ADAM10: variants seen among roughly 807,000 people sequenced by gnomAD.
ADAM10 encodes the protein disintegrin and metalloproteinase domain-containing protein 10.
Under a neutral mutation model 90.1 loss-of-function variants are expected in ADAM10, and 17 were observed. That is an observed-to-expected ratio of 0.19 (90% CI 0.13 to 0.28). The LOEUF (loss-of-function observed/expected upper bound fraction) is 0.28, where lower values mean the gene tolerates loss of function less well. Among genes scored for constraint, ADAM10 ranks in the 10% least tolerant of loss-of-function variants. ADAM10 has a pLI of 1.00. For synonymous variants in ADAM10, 310 were observed against 298.6 expected (o/e 1.04, Z -0.40); for missense variants, 610 against 914.3 (o/e 0.67, Z 4.29).
chr15:58,599,990 A>G (rs557835074), intron 14 of ADAM10, among the ~76,000 whole-genome samples: 40 of 152,326 alleles, frequency 2.6e-4, no homozygotes, highest in Non-Finnish European at 2.2e-4. Flanking sequence ...GTCTCTTTAC[A>G]TATAACAACA....
At chr15:58,737,652 C>A (rs1211582133) in intron 1 of ADAM10, among the ~76,000 whole-genome samples, 1 of 152,146 alleles carries the variant, frequency 6.6e-6, no homozygotes, top group East Asian at 1.9e-4. Flanking sequence ...CAGTGCCTGG[C>A]ATTAAGTACC....
intron 2 of ADAM10, among the ~76,000 whole-genome samples, chr15:58,689,945 C>CAA (rs1555418402): frequency 2.4e-5 from 2 of 84,650 alleles, no homozygotes; most frequent in African/African-American, 1.6e-4. Context: ...CAAAGACAGA[C>CAA]CCCCCCCAAA....
chr15:58,742,414 C>T (rs1166562062), intron 1 of ADAM10, among the ~76,000 whole-genome samples: 1 of 152,182 alleles, frequency 6.6e-6, no homozygotes, highest in African/African-American at 2.4e-5. Flanking sequence ...AAAAATCATA[C>T]ACTGAACCAT....
chr15:58,665,749 C>A (rs1203654903), intron 4 of ADAM10, among the ~76,000 whole-genome samples: 2 of 152,076 alleles, frequency 1.3e-5, no homozygotes, highest in Non-Finnish European at 2.9e-5. Flanking sequence ...GACTGTATCA[C>A]TGACTACCCC....
chr15:58,734,700 A>C (rs1216461620), intron 1 of ADAM10, among the ~76,000 whole-genome samples: 3 of 151,700 alleles, frequency 2.0e-5, no homozygotes, highest in Non-Finnish European at 4.4e-5. Context: ...ACCCTGTCTC[A>C]AAATTAAAAA....
chr15:58,741,526 C>T (rs1843492474), intron 1 of ADAM10, among the ~76,000 whole-genome samples: 3 of 152,170 alleles, frequency 2.0e-5, no homozygotes, highest in Admixed American at 6.5e-5. Context: ...CCCATCCCAA[C>T]CTATAAGCTT....
intron 1 of ADAM10, among the ~76,000 whole-genome samples, chr15:58,744,778 G>A (rs1226440184): frequency 6.6e-6 from 1 of 152,186 alleles, no homozygotes; most frequent in Non-Finnish European, 1.5e-5. Flanking sequence ...GGGAGGCCAG[G>A]GTTGGAGAAT....
intron 4 of ADAM10, among the ~76,000 whole-genome samples, chr15:58,669,271 A>G (rs1897143364): frequency 6.6e-6 from 1 of 152,138 alleles, no homozygotes; most frequent in Non-Finnish European, 1.5e-5. Context: ...CAGTTTATTA[A>G]ACACTGGTTG....
intron 2 of ADAM10, among the ~76,000 whole-genome samples, chr15:58,696,046 G>C (rs1005455968): frequency 1.3e-5 from 2 of 152,146 alleles, no homozygotes; most frequent in African/African-American, 2.4e-5. Context: ...AACCCAGGAG[G>C]CAGAGGTTAA....
chr15:58,601,235 G>C (rs1895099337), intron 14 of ADAM10, among the ~76,000 whole-genome samples: 2 of 152,142 alleles, frequency 1.3e-5, no homozygotes, highest in African/African-American at 2.4e-5. Context: ...GCCGGGGCGG[G>C]TGGATCACCT....
intron 4 of ADAM10, among the ~76,000 whole-genome samples, chr15:58,670,268 GTATTATTAAGTCAA>G (rs1897164498): frequency 6.6e-6 from 1 of 151,624 alleles, no homozygotes. Context: ...ATACATGAAG[GTATTATTAAGTCAA>G]TATTTAATTT....
intron 4 of ADAM10, among the ~76,000 whole-genome samples, chr15:58,674,106 T>C (rs1311193675): frequency 6.6e-6 from 1 of 152,176 alleles, no homozygotes; most frequent in Non-Finnish European, 1.5e-5. Context: ...ATATTATTCT[T>C]AAAATAACTC....
chr15:58,682,050 T>A, intron 3 of ADAM10, 146 bp downstream of exon 3: 1 of 1,109,744 alleles, frequency 9.0e-7, no homozygotes, highest in East Asian at 2.7e-5. Flanking sequence ...ATTACTTCAT[T>A]TCTCAAAGAC....
intron 5 of ADAM10, among the ~76,000 whole-genome samples, chr15:58,647,248 A>ATTTTTTTTT (rs67378373): frequency 0.013 from 783 of 59,562 alleles, 260 homozygotes; most frequent in Non-Finnish European, 0.021. Flanking sequence ...GACACTAAGT[A>ATTTTTTTTT]TTTTTTTTTT....
In ADAM10 at chr15:58,749,552, GC is replaced by G. The variant is rs758796302; in HGVS notation, c.-19del. 2.4e-5 allele frequency: 37 copies of G among 1,550,540 alleles called. 1 individual carries two copies. In the East Asian group the frequency reaches 6.9e-4, roughly 29 times the overall value. On this transcript the variant is annotated 5_prime_UTR_variant, in exon 1 of 16. Transcript: ENST00000260408. ...AACACCATCTTCCGCTGCCGCTGCCGCCGCCGCCGCCTCCTCACGGGTTAAC... is the reference window on the plus strand; with the variant it reads ...AACACCATCTTCCGCTGCCGCTGCCGCGCCGCCGCCTCCTCACGGGTTAAC...
chr15:58,742,329 G>A (rs1483327191), intron 1 of ADAM10, among the ~76,000 whole-genome samples: 1 of 152,166 alleles, frequency 6.6e-6, no homozygotes, highest in Non-Finnish European at 1.5e-5. Context: ...ATTAAGTGGA[G>A]GAGAGCTCCT....
In ADAM10 at chr15:58,738,016, T is replaced by G. The variant is rs114440933; in HGVS notation, c.55+11464A>C. Among the ~76,000 whole-genome samples the G allele has an allele frequency of 8.4e-3, 1,285 of 152,308 alleles. 19 individuals are homozygous for G. Among genetic ancestry groups the G allele is most frequent in the African/African-American group, 0.029 (1,222 of 41,550 alleles). On this transcript the variant is annotated intron_variant, in intron 1 of 15. Transcript: ENST00000260408. ...AAAATCTGCAATAATGTTTTGATAT[T>G]ACAGATCTTCCTATTTACAGAAAAA...
intron 1 of ADAM10, among the ~76,000 whole-genome samples, chr15:58,725,611 A>G (rs2140829118): frequency 6.6e-6 from 1 of 151,426 alleles, no homozygotes; most frequent in Non-Finnish European, 1.5e-5. Flanking sequence ...GCTAATGACT[A>G]AAAACTAGGG....
chr15:58,737,227 A>G (rs1006487896), intron 1 of ADAM10, among the ~76,000 whole-genome samples: 1 of 152,174 alleles, frequency 6.6e-6, no homozygotes, highest in Non-Finnish European at 1.5e-5. Context: ...TACTACCCAG[A>G]AAATTGGTAT....
Sources: gnomAD v4.1 joint callset for allele counts (sites outside exome capture counted in the v4.1 genomes callset) on GRCh38, gnomAD v4.1.1 for gene constraint, MANE v1.5 for transcripts, NCBI Gene and HGNC (gene_info 2026-07-23, HGNC 2026-07-21) for gene names.